The following CNTRL variants were observed in gnomAD, a reference collection of about 807,000 sequenced individuals.
The protein encoded by CNTRL is 110 kDa centrosomal protein.
A neutral mutation model predicts 303.7 loss-of-function variants in CNTRL; 233 were observed. The observed-to-expected ratio is 0.77, with a 90% CI of 0.69 to 0.86. The LOEUF is 0.86. Ranked by LOEUF, CNTRL falls within the 40% of genes least tolerant of loss-of-function variation. The probability of loss-of-function intolerance (pLI) is 0.00; values close to 1 mark genes in which losing one functional copy is unlikely to be tolerated. For missense variants in CNTRL, 2,524 were observed against 2,650.6 expected, an observed-to-expected ratio of 0.95 and a Z score of 1.05; for synonymous variants, 900 against 922.2, an observed-to-expected ratio of 0.98 and a Z score of 0.44.
intron 12 of CNTRL, among the ~76,000 whole-genome samples, chr9:121,121,069 T>A (rs931373806): frequency 2.6e-5 from 4 of 152,218 alleles, no homozygotes; most frequent in African/African-American, 9.6e-5. Flanking sequence ...TGCCTGCATA[T>A]TTTTCTATAG....
chr9:121,143,227 C>G (rs1241120370), intron 19 of CNTRL, among the ~76,000 whole-genome samples: 2 of 152,188 alleles, frequency 1.3e-5, no homozygotes, highest in East Asian at 1.9e-4. Flanking sequence ...CCTGAGAACT[C>G]TTCAGTTTCC....
At chr9:121,090,245 A>G in intron 3 of CNTRL, 30 bp from the exon 4 acceptor site, 2 of 1,565,818 alleles carry the variant, frequency 1.3e-6, no homozygotes, top group Non-Finnish European at 8.6e-7. Context: ...TCTTTCCTCT[A>G]CTGATGATGA....
chr9:121,168,390 T>C (rs2053177123), intron 38 of CNTRL, 69 bp downstream of exon 38: 1 of 1,423,818 alleles, frequency 7.0e-7, no homozygotes, highest in Admixed American at 1.8e-5. Context: ...CTTGCAAAAG[T>C]ATTTAAAGAG....
chr9:121,161,226 T>C, intron 32 of CNTRL: 1 of 423,898 alleles, frequency 2.4e-6, no homozygotes, highest in Non-Finnish European at 4.4e-6. Context: ...TTTGGGGTGG[T>C]GAAATAATGG....
Position 121,118,613 on chromosome 9 carries a change from C to G in CNTRL, c.1650+73C>G, listed in dbSNP as rs1016982045. 9 of 1,247,082 alleles carry G rather than the reference C, an allele frequency of 7.2e-6. No homozygotes were observed. In the South Asian group the frequency reaches 1.8e-4, roughly 25 times the overall value. 77.3% of individuals were successfully genotyped at this position (1,247,082 alleles called of 1,614,324 possible). On this transcript the variant is annotated intron_variant, in intron 12 of 43. Coordinates refer to ENST00000373855, the MANE Select transcript of CNTRL (RefSeq NM_007018.6). Reference sequence around the variant, plus strand: ...TCTCATCATTGTTAGCATCAGAGTCCAGAGTCCTTTCTGAAAGTCTGTTTT... The same window carrying G: ...TCTCATCATTGTTAGCATCAGAGTCGAGAGTCCTTTCTGAAAGTCTGTTTT...
At chr9:121,140,125 T>G (rs186382167) in intron 16 of CNTRL, among the ~76,000 whole-genome samples, 92 of 152,342 alleles carry the variant, frequency 6.0e-4, no homozygotes, top group Middle Eastern at 3.4e-3. Context: ...CATGTTGATA[T>G]AGGGGCTCTC....
intron 23 of CNTRL, 78 bp downstream of exon 23, chr9:121,146,334 A>T: frequency 7.0e-7 from 1 of 1,419,046 alleles, no homozygotes. Flanking sequence ...CCCCAAATTT[A>T]TGAACAGGTA....
intron 23 of CNTRL, 123 bp downstream of exon 23, chr9:121,146,379 G>C: frequency 1.0e-6 from 1 of 972,360 alleles, no homozygotes; most frequent in Non-Finnish European, 1.5e-6. Context: ...GCCGTGCATT[G>C]AGGTTCTGTA....
At chr9:121,111,467 T>C (rs900310771) in intron 8 of CNTRL, among the ~76,000 whole-genome samples, 1 of 152,170 alleles carries the variant, frequency 6.6e-6, no homozygotes, top group Non-Finnish European at 1.5e-5. Flanking sequence ...AGCTAAATCA[T>C]GCACGACTTT....
chr9:121,079,564 T>C (rs531311379), intron 1 of CNTRL, among the ~76,000 whole-genome samples: 1 of 152,280 alleles, frequency 6.6e-6, no homozygotes, highest in East Asian at 1.9e-4. Context: ...CTATCAAAAG[T>C]GTCTTGGATT....
chr9:121,128,489 G>T (rs1472797702), intron 14 of CNTRL, among the ~76,000 whole-genome samples: 1 of 151,948 alleles, frequency 6.6e-6, no homozygotes, highest in Admixed American at 6.6e-5. Flanking sequence ...TTTTGATGGG[G>T]TTGTTTTTTT....
intron 24 of CNTRL, 52 bp from the exon 25 acceptor site, chr9:121,150,118 G>A: frequency 6.9e-7 from 1 of 1,444,112 alleles, no homozygotes; most frequent in South Asian, 1.4e-5. Flanking sequence ...GGTAAACCAT[G>A]GGGGTAAAAC....
chr9:121,169,803 A>G lies in CNTRL; in HGVS notation c.6263A>G (p.Glu2088Gly). 2 of 1,614,078 alleles carry G rather than the reference A, an allele frequency of 1.2e-6. No individual in the cohort carries two copies. Among genetic ancestry groups the G allele is most frequent in the Non-Finnish European group, 1.7e-6 (2 of 1,179,986 alleles). ...EALKIQRSQL[E>G]KNLLEQKQEN... The stretch of plus-strand genomic sequence containing the variant: ...CTTAAGATCCAGCGGAGCCAGCTGG[A>G]GAAAAACCTTCTTGTGAGTACCTGC... Residue 2088 changes from glutamate to glycine, a missense_variant, in exon 39 of 44, where the codon GAG becomes GGG. Physicochemically the swap from Glu to Gly is moderately conservative, Grantham distance 98. Transcript: ENST00000373855.
intron 14 of CNTRL, among the ~76,000 whole-genome samples, chr9:121,132,276 C>T (rs933914585): frequency 6.6e-6 from 1 of 152,192 alleles, no homozygotes; most frequent in African/African-American, 2.4e-5. Context: ...ACCATTCAAA[C>T]GTAGATTTGG....
rs958819283 is a variant in CNTRL at position 121,177,420 on chromosome 9, CTT to C, written c.*244_*245del. 220 of 343,704 alleles carry C rather than the reference CTT, an allele frequency of 6.4e-4. No homozygotes were observed. The highest frequency in any genetic ancestry group is 8.9e-4 in the East Asian group (20 of 22,348). 21.3% of individuals were successfully genotyped at this position (343,704 alleles called of 1,614,324 possible). The stretch of plus-strand genomic sequence containing the variant: ...AATTTAAACCAACATGTGGCTGAGC[CTT>C]TTTTTTTTTAATCTTCGTAACATGT... On this transcript the variant is annotated 3_prime_UTR_variant, in exon 44 of 44. Transcript: ENST00000373855.
rs760215051 is a variant in CNTRL at position 121,115,125 on chromosome 9, A to C, written c.1380A>C (p.Ile460=). 1 of 1,610,978 alleles carries C rather than the reference A, an allele frequency of 6.2e-7. No homozygotes were observed. The highest frequency in any genetic ancestry group is 8.5e-7 in the Non-Finnish European group (1 of 1,178,440). Residue 460 remains isoleucine, a synonymous_variant, in exon 11 of 44, where the codon ATA becomes ATC. Transcript: ENST00000373855. Reference sequence around the variant, plus strand: ...GACTATCAGAACTGCATGATGAAATAGAAAAGGCAGAACAACAAATTTTGA... The same window carrying C: ...GACTATCAGAACTGCATGATGAAATCGAAAAGGCAGAACAACAAATTTTGA... ...QTRLSELHDE[I]EKAEQQILRA...
At chr9:121,159,682 CAAA>C (rs796896457) in intron 31 of CNTRL, among the ~76,000 whole-genome samples, 2 of 103,462 alleles carry the variant, frequency 1.9e-5, no homozygotes, top group Non-Finnish European at 4.1e-5. Flanking sequence ...GACTCAATTT[CAAA>C]AAAAAAAAAA....
At chr9:121,146,498 G>A (rs2051865065) in intron 23 of CNTRL, among the ~76,000 whole-genome samples, 1 of 152,184 alleles carries the variant, frequency 6.6e-6, no homozygotes, top group South Asian at 2.1e-4. Context: ...ATGCTCTAAG[G>A]AGAAAAGGTG....
rs779568140 is a variant in CNTRL at position 121,160,257 on chromosome 9, G to GA, written c.5048dup (p.Asn1683LysfsTer11). ...AAAGCAGGAAATTGAAAAAGAGGAA[G>GA]AAAATCTTCAGGTTGTTTTAAGGCA... On this transcript the variant is annotated frameshift_variant, in exon 32 of 44. Transcript: ENST00000373855. LOFTEE classifies it high-confidence loss of function. 1.3e-6 allele frequency: 2 copies of GA among 1,549,108 alleles called. No individual in the cohort carries two copies. Among genetic ancestry groups the GA allele is most frequent in the South Asian group, 2.6e-5 (2 of 77,390 alleles).
Sources: allele counts gnomAD v4.1 joint callset (sites outside exome capture counted in the v4.1 genomes callset), GRCh38; gene constraint gnomAD v4.1.1; transcripts MANE v1.5; gene names NCBI Gene and HGNC (gene_info 2026-07-23, HGNC 2026-07-21).